The following SLIT3 variants were observed in gnomAD, a reference collection of about 807,000 sequenced individuals.
The protein encoded by SLIT3 is slit homolog 3 protein.
Under a neutral mutation model 184.0 loss-of-function variants are expected in SLIT3, and 68 were observed. The observed-to-expected ratio is 0.37, with a 90% CI of 0.30 to 0.45. The LOEUF (loss-of-function observed/expected upper bound fraction) is 0.45. Among genes scored for constraint, SLIT3 ranks in the 20% least tolerant of loss-of-function variants. The probability of loss-of-function intolerance (pLI) is 1.00; values close to 1 mark genes in which losing one functional copy is unlikely to be tolerated. For missense variants in SLIT3, 1,707 were observed against 2,026.0 expected (o/e 0.84, Z 3.02); for synonymous variants, 831 against 828.6 (o/e 1.00, Z -0.05).
intron 4 of SLIT3, among the ~76,000 whole-genome samples, chr5:169,041,306 C>T (rs1757441226): frequency 6.6e-6 from 1 of 152,172 alleles, no homozygotes; most frequent in Non-Finnish European, 1.5e-5. Flanking sequence ...GTGAATGAGA[C>T]ACAGTCCTTG....
intron 29 of SLIT3, among the ~76,000 whole-genome samples, chr5:168,690,122 C>T (rs1246798842): frequency 6.6e-6 from 1 of 151,336 alleles, no homozygotes; most frequent in South Asian, 2.1e-4. Context: ...CCCTTGACCA[C>T]GTTTTTGTTT....
At chr5:169,141,298 A>T (rs370890172) in intron 4 of SLIT3, among the ~76,000 whole-genome samples, 11 of 152,152 alleles carry the variant, frequency 7.2e-5, no homozygotes, top group African/African-American at 2.7e-4. Context: ...AAGCAAATCC[A>T]CTGCAACAAA....
chr5:168,710,899 G>C lies in SLIT3; in HGVS notation c.2715C>G (p.Cys905Trp). Reference protein sequence around the residue: ...LLTTPTHRFQCKGPVDINIVA... With the variant: ...LLTTPTHRFQWKGPVDINIVA... Reference sequence around the variant, plus strand: ...TGGGGTGTGGGCGTCACCTACCTTTGCACTGGAAGCGGTGGGTTGGGGTGG... The same window carrying C: ...TGGGGTGTGGGCGTCACCTACCTTTCCACTGGAAGCGGTGGGTTGGGGTGG... The change falls in exon 25 of 36, where the codon TGC becomes TGG. Residue 905 changes from cysteine (C) to tryptophan (W), a missense_variant. This residue lies in a region of SLIT3 where 1,307 missense variants were observed against 1,511.6 expected (regional missense o/e 0.86). Transcript: ENST00000519560. 1 of 1,541,428 alleles carries C rather than the reference G, an allele frequency of 6.5e-7. No homozygotes were observed.
chr5:168,675,724 G>T (rs913692333), intron 32 of SLIT3, among the ~76,000 whole-genome samples: 1 of 152,130 alleles, frequency 6.6e-6, no homozygotes, highest in Non-Finnish European at 1.5e-5. Flanking sequence ...AACAACAAAA[G>T]AGCGCTTTGT....
At chr5:169,275,910 C>T (rs2113639268) in intron 1 of SLIT3, among the ~76,000 whole-genome samples, 1 of 152,198 alleles carries the variant, frequency 6.6e-6, no homozygotes, top group Admixed American at 6.5e-5. Context: ...ATGGTGGACC[C>T]TGCAGCAGAT....
chr5:169,288,366 A>G (rs1259703861), intron 1 of SLIT3, among the ~76,000 whole-genome samples: 7 of 151,786 alleles, frequency 4.6e-5, no homozygotes, highest in Non-Finnish European at 8.8e-5. Flanking sequence ...TTTTTTTTTA[A>G]TTCCACTTGT....
intron 4 of SLIT3, among the ~76,000 whole-genome samples, chr5:169,008,083 G>A (rs1755998272): frequency 6.6e-6 from 1 of 152,258 alleles, no homozygotes; most frequent in South Asian, 2.1e-4. Flanking sequence ...AGCTCTATGT[G>A]GCTCTTGGTG....
chr5:169,076,190 G>A (rs1013606756), intron 4 of SLIT3, among the ~76,000 whole-genome samples: 1 of 152,192 alleles, frequency 6.6e-6, no homozygotes, highest in Non-Finnish European at 1.5e-5. Flanking sequence ...GGGGATCACA[G>A]GAAGGAAGAT....
At chr5:168,920,353 CT>C (rs1370254420) in intron 4 of SLIT3, among the ~76,000 whole-genome samples, 1 of 152,188 alleles carries the variant, frequency 6.6e-6, no homozygotes, top group Non-Finnish European at 1.5e-5. Flanking sequence ...TATCTACAGA[CT>C]TCACCGGGTG....
chr5:169,064,809 A>C (rs1326809234), intron 4 of SLIT3, among the ~76,000 whole-genome samples: 1 of 152,202 alleles, frequency 6.6e-6, no homozygotes, highest in East Asian at 1.9e-4. Context: ...TGAATATTTC[A>C]TATAGACTCC....
chr5:169,264,303 C>T (rs1766315989), intron 1 of SLIT3, among the ~76,000 whole-genome samples: 1 of 152,124 alleles, frequency 6.6e-6, no homozygotes, highest in South Asian at 2.1e-4. Context: ...AAGGGATTCT[C>T]CTGCCTCAGC....
At chr5:168,666,864 C>G in intron 35 of SLIT3, 175 bp from the exon 36 acceptor site, 1 of 1,016,364 alleles carries the variant, frequency 9.8e-7, no homozygotes, top group African/African-American at 1.6e-5. Context: ...AAACAGGTGC[C>G]TTTCCTGTAC....
At chr5:169,116,247 G>T (rs891110319) in intron 4 of SLIT3, among the ~76,000 whole-genome samples, 1 of 152,186 alleles carries the variant, frequency 6.6e-6, no homozygotes, top group Non-Finnish European at 1.5e-5. Context: ...TCCGGGCAAA[G>T]AACTCTGAGC....
At chr5:169,006,077 C>T (rs1581292826) in intron 4 of SLIT3, among the ~76,000 whole-genome samples, 3 of 152,296 alleles carry the variant, frequency 2.0e-5, no homozygotes, top group East Asian at 1.9e-4. Context: ...CTTGCAAGGC[C>T]TCATAATCTA....
At chr5:168,713,345 G>A (rs938342920) in intron 23 of SLIT3, among the ~76,000 whole-genome samples, 6 of 152,200 alleles carry the variant, frequency 3.9e-5, no homozygotes, top group African/African-American at 1.4e-4. Flanking sequence ...TTCCACAAAT[G>A]CCTGGAGGAT....
intron 4 of SLIT3, among the ~76,000 whole-genome samples, chr5:168,910,560 G>A (rs1407288709): frequency 6.6e-6 from 1 of 151,872 alleles, no homozygotes; most frequent in Non-Finnish European, 1.5e-5. Context: ...TGGCGAACAC[G>A]GTGAAACCCT....
intron 1 of SLIT3, among the ~76,000 whole-genome samples, chr5:169,291,516 T>C (rs759308421): frequency 6.6e-6 from 1 of 152,198 alleles, no homozygotes; most frequent in Non-Finnish European, 1.5e-5. Context: ...TCTGTGACTG[T>C]ACCACGTTCC....
intron 3 of SLIT3, among the ~76,000 whole-genome samples, chr5:169,229,921 T>C (rs1764940647): frequency 6.6e-6 from 1 of 152,142 alleles, no homozygotes; most frequent in East Asian, 1.9e-4. Flanking sequence ...CCGAAGATCC[T>C]ACAGCCATTC....
chr5:168,715,913 C>T (rs933512921), intron 23 of SLIT3, among the ~76,000 whole-genome samples: 9 of 152,030 alleles, frequency 5.9e-5, no homozygotes, highest in East Asian at 3.9e-4. Flanking sequence ...CTCAGGTGAT[C>T]GACCTGCCTT....
Sources: gnomAD v4.1 joint callset for allele counts (sites outside exome capture counted in the v4.1 genomes callset) on GRCh38, gnomAD v4.1.1 for gene constraint, gnomAD v4.1.1 regional missense constraint, MANE v1.5 for transcripts, NCBI Gene and HGNC (gene_info 2026-07-23, HGNC 2026-07-21) for gene names.